The following PDE6G variants were observed in gnomAD, a reference collection of about 807,000 sequenced individuals.
PDE6G encodes the protein phosphodiesterase 6G.
Under a neutral mutation model 10.9 loss-of-function variants are expected in PDE6G, and 10 were observed. That is an observed-to-expected ratio of 0.91 (90% CI 0.56 to 1.55). The LOEUF is 1.55. Ranked by LOEUF, PDE6G falls within the 40% of genes most tolerant of loss-of-function variation. The probability of loss-of-function intolerance (pLI) is 0.00; values close to 1 mark genes in which losing one functional copy is unlikely to be tolerated. For missense variants in PDE6G, 102 were observed against 110.1 expected (o/e 0.93, Z 0.33); for synonymous variants, 41 against 42.8 (o/e 0.96, Z 0.16).
At chr17:81,655,126 T>C (rs1056484139) in intron 1 of PDE6G, among the ~76,000 whole-genome samples, 2 of 152,204 alleles carry the variant, frequency 1.3e-5, no homozygotes, top group African/African-American at 2.4e-5. Flanking sequence ...GTTGGGGTGC[T>C]GTCAGTTCCC....
Position 81,650,878 on chromosome 17 carries a change from G to T in PDE6G, c.*196C>A, listed in dbSNP as rs753560049. 43 of 661,038 alleles carry T rather than the reference G, an allele frequency of 6.5e-5. 1 individual carries two copies. The highest frequency in any genetic ancestry group is 6.4e-4 in the Admixed American group (31 of 48,430). 40.9% of individuals were successfully genotyped at this position (661,038 alleles called of 1,614,324 possible). A position where few individuals can be genotyped will look rare whatever the true frequency, so the allele number is the denominator to read the frequency against. On this transcript the variant is annotated 3_prime_UTR_variant, in exon 4 of 4. Transcript: ENST00000331056. ...TGAGCAGGGCCTGGCCAGCCCCTGA[G>T]GGGGCATCCTAGAGGGAGGTGGTGG...
upstream of PDE6G, among the ~76,000 whole-genome samples, chr17:81,661,104 T>G (rs1029766215): frequency 1.3e-5 from 2 of 152,208 alleles, no homozygotes; most frequent in African/African-American, 4.8e-5. Flanking sequence ...AATTGTTTTG[T>G]AGGCTGGGCA....
rs1343372082 is a variant in PDE6G at position 81,661,583 on chromosome 17, G to A, written c.-60+1476C>T. Among the ~76,000 whole-genome samples, 4 of 152,046 alleles carry A rather than the reference G, an allele frequency of 2.6e-5. No individual in the cohort carries two copies. The East Asian group carries it at 7.7e-4, about 29-fold the overall frequency. ...AATACGAAAATTAGCCAGGCATGCC[G>A]GGTGCAGTGGCTCACGCCTGTAATC... is the stretch of plus-strand genomic sequence containing the variant. On this transcript the variant is annotated intron_variant, in intron 1 of 3. Coordinates refer to the PDE6G transcript ENST00000571224.
chr17:81,651,774 A>C lies in PDE6G; in HGVS notation c.147-89T>G, dbSNP rs2036360316. ...CGAGGTCATCTCTAGCCTTCCTAGGAGATGAGGTGTTTGGCTGGGAGCCCA... is the reference window on the plus strand; with the variant it reads ...CGAGGTCATCTCTAGCCTTCCTAGGCGATGAGGTGTTTGGCTGGGAGCCCA... On this transcript the variant is annotated intron_variant, in intron 2 of 3. Coordinates refer to ENST00000331056, the MANE Select transcript of PDE6G (RefSeq NM_002602.4). The surrounding 1 kb of genome is among the most constrained non-coding windows in gnomAD (Gnocchi z 4.8). The C allele has an allele frequency of 7.0e-7, 1 of 1,419,098 alleles. No individual in the cohort carries two copies. The highest frequency in any genetic ancestry group is 9.8e-7 in the Non-Finnish European group (1 of 1,019,606). 87.9% of individuals were successfully genotyped at this position (1,419,098 alleles called of 1,614,324 possible).
chr17:81,654,601 C>T (rs1437759387), intron 1 of PDE6G, among the ~76,000 whole-genome samples: 1 of 151,954 alleles, frequency 6.6e-6, no homozygotes, highest in East Asian at 1.9e-4. Context: ...TCAGGCTGGT[C>T]TCAAACTCCT....
At chr17:81,655,864 C>A (rs1001726515) in intron 1 of PDE6G, among the ~76,000 whole-genome samples, 1 of 152,086 alleles carries the variant, frequency 6.6e-6, no homozygotes, top group Admixed American at 6.5e-5. Context: ...GCAGGTGGCC[C>A]ATTTTGGGGA....
chr17:81,653,490 C>T lies in PDE6G; in HGVS notation c.-59-126G>A. The T allele has an allele frequency of 1.5e-6, 1 of 650,466 alleles. No homozygotes were observed. Among genetic ancestry groups the T allele is most frequent in the Non-Finnish European group, 2.6e-6 (1 of 377,558 alleles). 40.3% of individuals were successfully genotyped at this position (650,466 alleles called of 1,614,324 possible). A position where few individuals can be genotyped will look rare whatever the true frequency, so the allele number is the denominator to read the frequency against. On this transcript the variant is annotated intron_variant, in intron 1 of 3. Transcript: ENST00000331056. This position sits in a 1 kb window ranked among gnomAD's most constrained non-coding sequence, Gnocchi z 5.2. Reference sequence around the variant, plus strand: ...GCTCCAGCGTCATCCAGACAGCAGCCCCTGCAATCCGCCCTGGGGTAACCA... The same window carrying T: ...GCTCCAGCGTCATCCAGACAGCAGCTCCTGCAATCCGCCCTGGGGTAACCA...
chr17:81,660,950 T>TCTCA (rs140246444), upstream of PDE6G, among the ~76,000 whole-genome samples: 13,266 of 152,118 alleles, frequency 0.087, 813 homozygotes, highest in East Asian at 0.21. Flanking sequence ...GAGACAGGGG[T>TCTCA]CTCTGCCACC....
chr17:81,657,707 C>T (rs529460052), upstream of PDE6G, among the ~76,000 whole-genome samples: 2 of 151,796 alleles, frequency 1.3e-5, no homozygotes, highest in East Asian at 2.0e-4. Flanking sequence ...GGTGAAACCC[C>T]GACTCTACTA....
At chr17:81,659,151 C>T (rs200350928), upstream of PDE6G, among the ~76,000 whole-genome samples, 6 of 114,678 alleles carry the variant, frequency 5.2e-5, no homozygotes, top group African/African-American at 9.9e-5. Context: ...CAATCCATAT[C>T]TTTTTTTTTT....
At position 81,650,985 on chromosome 17, in the gene PDE6G, G is replaced by T; in HGVS notation, c.*89C>A. On this transcript the variant is annotated 3_prime_UTR_variant, in exon 4 of 4. Coordinates refer to ENST00000331056, the MANE Select transcript of PDE6G (RefSeq NM_002602.4). ...TGGTGTCCAGGTGCCATCTGGGCTA[G>T]GGAGGCATCTCCTCAACAGGAATCC... The T allele has an allele frequency of 1.0e-6, 1 of 965,302 alleles. No homozygotes were observed. 59.8% of individuals were successfully genotyped at this position (965,302 alleles called of 1,614,324 possible). A position where few individuals can be genotyped will look rare whatever the true frequency, so the allele number is the denominator to read the frequency against.
At chr17:81,656,870 T>G, upstream of PDE6G, 2 of 513,922 alleles carry the variant, frequency 3.9e-6, no homozygotes, top group Non-Finnish European at 7.1e-6. Flanking sequence ...CCCACCTTCA[T>G]GGTCCCCAAA....
chr17:81,654,105 C>T (rs905939337), intron 1 of PDE6G, among the ~76,000 whole-genome samples: 11 of 152,252 alleles, frequency 7.2e-5, no homozygotes, highest in South Asian at 2.1e-4. Context: ...CGTGAGCCAC[C>T]GCACCCGGCC....
rs780087818 is a variant in PDE6G, at chr17:81,653,328, C to A, written c.-23G>T. ...CATGGTGAGGCTGACGGAGACACCG[C>A]GGCAACCTTGGCTCCTGGACTCCCT... On this transcript the variant is annotated 5_prime_UTR_variant, in exon 2 of 4. Transcript: ENST00000331056. This position sits in a 1 kb window ranked among gnomAD's most constrained non-coding sequence, Gnocchi z 5.2. The A allele has an allele frequency of 1.5e-5, 24 of 1,609,788 alleles. No homozygotes were observed. The highest frequency in any genetic ancestry group is 8.3e-5 in the Admixed American group (5 of 59,996).
chr17:81,661,852 C>CT (rs1206732192), intron 1 of PDE6G, among the ~76,000 whole-genome samples: 1 of 102,438 alleles, frequency 9.8e-6, no homozygotes, highest in Non-Finnish European at 1.8e-5. Flanking sequence ...GAGTGAGACT[C>CT]TGTCTCAAAA....
intron 1 of PDE6G, among the ~76,000 whole-genome samples, chr17:81,662,879 G>A (rs1473762335): frequency 6.6e-6 from 1 of 152,170 alleles, no homozygotes; most frequent in South Asian, 2.1e-4. Flanking sequence ...CGCGCCTGTA[G>A]TCCCAGCTAC....
upstream of PDE6G, among the ~76,000 whole-genome samples, chr17:81,658,510 C>T (rs987253392): frequency 4.0e-5 from 6 of 149,658 alleles, no homozygotes; most frequent in East Asian, 1.0e-3. Context: ...AGAGAGAGAC[C>T]CTATCTCTGA....
At position 81,656,541 on chromosome 17, in the gene PDE6G, C is replaced by T. The variant is rs1310275791; in HGVS notation, c.-108G>A. ...GGCTGTGCTGTGAGTGCTGGGCCTC[C>T]CTCCGCAGGGTGCCAGCCCCGGCCT... On this transcript the variant is annotated 5_prime_UTR_variant, in exon 1 of 4. Coordinates refer to ENST00000331056, the MANE Select transcript of PDE6G (RefSeq NM_002602.4). The T allele has an allele frequency of 1.3e-6, 1 of 763,288 alleles. No individual in the cohort carries two copies. Among genetic ancestry groups the T allele is most frequent in the Non-Finnish European group, 2.4e-6 (1 of 417,212 alleles). 47.3% of individuals were successfully genotyped at this position (763,288 alleles called of 1,614,324 possible). A position where few individuals can be genotyped will look rare whatever the true frequency, so the allele number is the denominator to read the frequency against.
chr17:81,657,443 A>G (rs557681838), upstream of PDE6G, among the ~76,000 whole-genome samples: 1 of 152,354 alleles, frequency 6.6e-6, no homozygotes, highest in East Asian at 1.9e-4. Context: ...TCGCTTCTGC[A>G]CCAAATCAGA....
Sources: gnomAD v4.1 joint callset for allele counts (sites outside exome capture counted in the v4.1 genomes callset) on GRCh38, gnomAD v4.1.1 for gene constraint, Gnocchi (gnomAD v3.1) non-coding constraint, MANE v1.5 for transcripts, NCBI Gene and HGNC (gene_info 2026-07-23, HGNC 2026-07-21) for gene names.